The following CRACD variants were observed in gnomAD, a reference collection of about 807,000 sequenced individuals.
The protein encoded by CRACD is capping protein inhibiting regulator of actin dynamics.
Under a neutral mutation model 106.8 loss-of-function variants are expected in CRACD, and 56 were observed. The observed-to-expected ratio is 0.52, with a 90% CI of 0.42 to 0.66. The LOEUF is 0.66. Among genes scored for constraint, CRACD ranks in the 30% least tolerant of loss-of-function variants. CRACD has a pLI of 0.00. For synonymous variants in CRACD, 754 were observed against 670.8 expected (o/e 1.12, Z -1.92); for missense variants, 1,730 against 1,623.2 (o/e 1.07, Z -1.13).
chr4:56,198,830 G>C (rs1466866658), intron 2 of CRACD, among the ~76,000 whole-genome samples: 1 of 152,124 alleles, frequency 6.6e-6, no homozygotes, highest in Non-Finnish European at 1.5e-5. Context: ...TAAGACCAAA[G>C]TATTAACGTT....
At chr4:56,166,884 C>A (rs2109911339) in intron 1 of CRACD, among the ~76,000 whole-genome samples, 1 of 152,228 alleles carries the variant, frequency 6.6e-6, no homozygotes, top group South Asian at 2.1e-4. Flanking sequence ...CAAACTTCAT[C>A]TGTGAATCTT....
At chr4:56,228,125 G>A (rs1739409446) in intron 2 of CRACD, among the ~76,000 whole-genome samples, 1 of 152,032 alleles carries the variant, frequency 6.6e-6, no homozygotes, top group South Asian at 2.1e-4. Flanking sequence ...CTGAAATTCT[G>A]CCTTTCCCCC....
intron 1 of CRACD, among the ~76,000 whole-genome samples, chr4:56,146,924 T>C (rs541147376): frequency 6.6e-6 from 1 of 152,246 alleles, no homozygotes; most frequent in Non-Finnish European, 1.5e-5. Context: ...GGCTGGAGAC[T>C]CAAAGGAACC....
intron 3 of CRACD, among the ~76,000 whole-genome samples, chr4:56,274,551 G>T (rs2109654264): frequency 6.6e-6 from 1 of 152,246 alleles, no homozygotes; most frequent in South Asian, 2.1e-4. Flanking sequence ...AAGGTTTCAG[G>T]TTTTACAAAG....
At chr4:56,146,558 A>C (rs1268832153) in intron 1 of CRACD, among the ~76,000 whole-genome samples, 1 of 42,028 alleles carries the variant, frequency 2.4e-5, no homozygotes, top group African/African-American at 2.5e-4. Context: ...TCCTAATGCT[A>C]TCCCTCCCCC....
chr4:56,310,787 C>CG, intron 6 of CRACD, 53 bp downstream of exon 6: 1 of 1,074,852 alleles, frequency 9.3e-7, no homozygotes, highest in Non-Finnish European at 1.4e-6. Flanking sequence ...TAACTTTCAT[C>CG]TTCCCCCCCC....
rs1743450509 is a variant in CRACD at position 56,287,673 on chromosome 4, C to T, written c.-16-10541C>T. 3.9e-5 allele frequency among the ~76,000 whole-genome samples: 6 copies of T among 152,140 alleles called. No homozygotes were observed. The South Asian group carries it at 1.2e-3, about 32-fold the overall frequency. On this transcript the variant is annotated intron_variant, in intron 3 of 10. Transcript: ENST00000682029. ...AACTCCTGGGTTCAAACTATTCTCC[C>T]TGCTCAAAGCGTTGGGATTATAGCC...
chr4:56,149,907 C>T (rs977073071), intron 1 of CRACD, among the ~76,000 whole-genome samples: 1 of 152,074 alleles, frequency 6.6e-6, no homozygotes, highest in Non-Finnish European at 1.5e-5. Context: ...AGATTTTTGC[C>T]TTATAATTGA....
intron 5 of CRACD, chr4:56,308,885 T>G: frequency 7.8e-7 from 1 of 1,288,958 alleles, no homozygotes; most frequent in Non-Finnish European, 1.0e-6. Flanking sequence ...AGCTCATAAG[T>G]GCTGGGCACT....
chr4:56,279,671 T>C (rs1473307531), intron 3 of CRACD, among the ~76,000 whole-genome samples: 1 of 152,038 alleles, frequency 6.6e-6, no homozygotes, highest in African/African-American at 2.4e-5. Flanking sequence ...TGTGGAGAAA[T>C]AGGAACACTT....
intron 1 of CRACD, among the ~76,000 whole-genome samples, chr4:56,089,013 C>T (rs1449133069): frequency 2.0e-5 from 3 of 152,212 alleles, no homozygotes; most frequent in Non-Finnish European, 4.4e-5. Flanking sequence ...GCATGAGCCA[C>T]CATGCCCAGC....
At chr4:56,244,417 T>C (rs1740558703) in intron 2 of CRACD, among the ~76,000 whole-genome samples, 1 of 152,156 alleles carries the variant, frequency 6.6e-6, no homozygotes, top group South Asian at 2.1e-4. Flanking sequence ...GGAAAGAACA[T>C]GATGGGTTCA....
In CRACD at chr4:56,315,436, C is replaced by T. The variant is rs1242728988; in HGVS notation, c.1934C>T (p.Ala645Val). ...GENPPRGPGD[A>V]RAGSGKAKPR... Reference sequence around the variant, plus strand: ...AACCCTCCCCGAGGCCCCGGCGACGCGAGGGCGGGCAGCGGGAAGGCTAAG... The same window carrying T: ...AACCCTCCCCGAGGCCCCGGCGACGTGAGGGCGGGCAGCGGGAAGGCTAAG... Residue 645 changes from alanine to valine, a missense_variant, in exon 8 of 11, where the codon GCG (alanine) becomes GTG (valine). Physicochemically the swap from Ala to Val is moderately conservative, Grantham distance 64. Transcript: ENST00000682029. This position sits in a 1 kb window ranked among gnomAD's most constrained non-coding sequence, Gnocchi z 4.1. The T allele has an allele frequency of 5.6e-6, 9 of 1,612,644 alleles. No homozygotes were observed. Among genetic ancestry groups the T allele is most frequent in the Non-Finnish European group, 7.6e-6 (9 of 1,179,692 alleles).
chr4:56,075,214 G>A (rs1732799506), intron 1 of CRACD, among the ~76,000 whole-genome samples: 3 of 152,164 alleles, frequency 2.0e-5, no homozygotes, highest in Admixed American at 2.0e-4. Flanking sequence ...ATGAGTTAGG[G>A]AGGAGTCCCT....
chr4:56,216,036 G>C (rs1738657476), intron 2 of CRACD: 1 of 152,210 alleles, frequency 6.6e-6, no homozygotes, highest in Non-Finnish European at 1.5e-5. Flanking sequence ...CTTGGTTCAG[G>C]TCCCAGCTCC....
intron 1 of CRACD, among the ~76,000 whole-genome samples, chr4:56,116,572 C>G (rs1261464449): frequency 6.6e-6 from 1 of 152,166 alleles, no homozygotes; most frequent in Non-Finnish European, 1.5e-5. Flanking sequence ...AATTTCAACC[C>G]TCATCAAGTT....
chr4:56,213,120 A>C (rs58393090), intron 2 of CRACD, among the ~76,000 whole-genome samples: 1 of 152,180 alleles, frequency 6.6e-6, no homozygotes, highest in Non-Finnish European at 1.5e-5. Flanking sequence ...TTCAGATGCC[A>C]TCTGTTAAAA....
At chr4:56,293,146 T>A (rs1743792841) in intron 3 of CRACD, among the ~76,000 whole-genome samples, 1 of 152,178 alleles carries the variant, frequency 6.6e-6, no homozygotes, top group African/African-American at 2.4e-5. Flanking sequence ...CATAGAAATA[T>A]CCAGTCTGAA....
At chr4:56,123,464 T>G (rs1400573043) in intron 1 of CRACD, among the ~76,000 whole-genome samples, 2 of 152,232 alleles carry the variant, frequency 1.3e-5, no homozygotes, top group Non-Finnish European at 2.9e-5. Flanking sequence ...AATTCCATCA[T>G]GAAGCTCCCC....
Sources: allele counts gnomAD v4.1 joint callset (sites outside exome capture counted in the v4.1 genomes callset), GRCh38; gene constraint gnomAD v4.1.1; non-coding constraint Gnocchi (gnomAD v3.1); transcripts MANE v1.5; gene names NCBI Gene and HGNC (gene_info 2026-07-23, HGNC 2026-07-21).